The following SIRT3 variants were observed in gnomAD, a reference collection of about 807,000 sequenced individuals.
SIRT3 encodes the protein NAD-dependent protein deacetylase sirtuin-3, mitochondrial.
In SIRT3, 26 loss-of-function variants were observed where a neutral mutation model predicts 33.5. That is an observed-to-expected ratio of 0.78 (90% confidence interval 0.57 to 1.08). The LOEUF (loss-of-function observed/expected upper bound fraction) is 1.08. Ranked by LOEUF, SIRT3 falls within the 50% of genes least tolerant of loss-of-function variation. The pLI is 0.00. For missense variants in SIRT3, 585 were observed against 530.1 expected (o/e 1.10, Z -1.02); for synonymous variants, 237 against 222.1 (o/e 1.07, Z -0.60).
upstream of SIRT3, chr11:236,399 A>ACCCCCG: frequency 5.5e-6 from 1 of 183,338 alleles, no homozygotes; most frequent in Non-Finnish European, 6.7e-6. Context: ...TCCGCCTCCC[A>ACCCCCG]CCCCCGCCCC....
rs184306884 is a variant in SIRT3 at position 225,281 on chromosome 11, G to A, written c.808-1042C>T. Among the ~76,000 whole-genome samples the A allele has an allele frequency of 2.3e-3, 353 of 152,162 alleles. 10 individuals carry two copies. The highest frequency in any genetic ancestry group is 0.022 in the Admixed American group (341 of 15,284). ...CAAAAAATTAGCCAGGCGTGGTGAT[G>A]CGTGCCTGTAATCCCAGCTACTTGG... On this transcript the variant is annotated intron_variant, in intron 4 of 6. Transcript: ENST00000382743.
intron 4 of SIRT3, chr11:225,828 A>G (rs2133873092): frequency 1.3e-5 from 2 of 152,376 alleles, no homozygotes; most frequent in South Asian, 4.1e-4. Flanking sequence ...ATAACGGCAG[A>G]GTATGATCCA....
chr11:219,219 C>T (rs558889309), intron 5 of SIRT3, among the ~76,000 whole-genome samples, 178 bp from the exon 6 acceptor site: 21 of 152,242 alleles, frequency 1.4e-4, no homozygotes, highest in Admixed American at 3.9e-4. Context: ...GCTTGGCCTC[C>T]GTGACGGTTT....
chr11:223,753 T>C lies in SIRT3; in HGVS notation c.969+325A>G, dbSNP rs183161260. The C allele has an allele frequency of 8.4e-6, 8 of 951,444 alleles. No individual in the cohort carries two copies. The East Asian group carries it at 1.8e-4, about 21-fold the overall frequency. The allele number at this position is 951,444 out of a possible 1,614,324, so 58.9% of individuals were successfully genotyped here. ...CAGCCTGGAACCCCAGCTGAATCCA[T>C]TCACCTTCCCAAAGTGGCACCAGCC... On this transcript the variant is annotated intron_variant, in intron 5 of 6. Coordinates refer to ENST00000382743, the MANE Select transcript of SIRT3 (RefSeq NM_012239.6). This position sits in a 1 kb window ranked among gnomAD's most constrained non-coding sequence, Gnocchi z 4.8.
intron 3 of SIRT3, chr11:230,845 C>T (rs941798849): frequency 9.0e-6 from 2 of 223,432 alleles, no homozygotes; most frequent in Non-Finnish European, 8.7e-6. Context: ...TATATCCAGC[C>T]GGGCACAGTG....
Position 223,918 on chromosome 11 carries a change from AGGCCTGCCG to A in SIRT3, c.969+151_969+159del, listed in dbSNP as rs1312458429. The A allele has an allele frequency of 7.6e-5, 28 of 370,370 alleles. 5 individuals carry two copies. The highest frequency in any genetic ancestry group is 2.6e-4 in the African/African-American group (8 of 31,082). The allele number at this position is 370,370 out of a possible 1,614,324, so 22.9% of individuals were successfully genotyped here. Reference sequence around the variant, plus strand: ...CTGCCCTCCAGCCTCCTCCCTGCACAGGCCTGCCGACAGCCCATGAGGTGACTCCTGTAC... The same window carrying A: ...CTGCCCTCCAGCCTCCTCCCTGCACAACAGCCCATGAGGTGACTCCTGTAC... On this transcript the variant is annotated intron_variant, in intron 5 of 6. Transcript: ENST00000382743. This position sits in a 1 kb window ranked among gnomAD's most constrained non-coding sequence, Gnocchi z 4.8.
chr11:223,966 T>A lies in SIRT3; in HGVS notation c.969+112A>T. On this transcript the variant is annotated intron_variant, in intron 5 of 6. Transcript: ENST00000382743. The surrounding 1 kb of genome is among the most constrained non-coding windows in gnomAD (Gnocchi z 4.8). ...TGACTCCTGTACCCCTCCCTTCCCC[T>A]GCCCTCCAGACTCCTCCCTGCACAG... 1.7e-5 allele frequency: 8 copies of A among 471,886 alleles called. No individual in the cohort carries two copies. Among genetic ancestry groups the A allele is most frequent in the Non-Finnish European group, 2.1e-5 (6 of 279,676 alleles). 29.2% of individuals were successfully genotyped at this position (471,886 alleles called of 1,614,324 possible).
Position 233,185 on chromosome 11 carries a change from G to A in SIRT3, c.504C>T (p.Leu168=), listed in dbSNP as rs1294841949. 6.2e-7 allele frequency: 1 copy of A among 1,614,036 alleles called. No homozygotes were observed. The highest frequency in any genetic ancestry group is 1.3e-5 in the African/African-American group (1 of 74,922). The change falls in exon 3 of 7, where the codon CTC becomes CTT. Residue 168 remains leucine (L), a synonymous_variant. Transcript: ENST00000382743. ...CGGGGTACGGGAGATCGTACTGCTG[G>A]AGGTTGCTGTACAGGCCACTCCCCG... ...RSPGSGLYSN[L]QQYDLPYPEA... is the part of the protein sequence containing the mutation.
chr11:227,641 T>C (rs1010191668), intron 4 of SIRT3, among the ~76,000 whole-genome samples: 4 of 152,082 alleles, frequency 2.6e-5, no homozygotes, highest in African/African-American at 9.7e-5. Flanking sequence ...TTTATTTTGT[T>C]TTGAGATGGA....
At chr11:225,189 A>G (rs1452843810) in intron 4 of SIRT3, among the ~76,000 whole-genome samples, 2 of 152,044 alleles carry the variant, frequency 1.3e-5, no homozygotes, top group Non-Finnish European at 2.9e-5. Context: ...CGAGGTGGGC[A>G]GATCACGAGG....
chr11:236,370 C>CCGGCGACCCGCCCG, upstream of SIRT3: 4 of 1,174,640 alleles, frequency 3.4e-6, no homozygotes, highest in Non-Finnish European at 4.2e-6. Context: ...CGCCCCGCCC[C>CCGGCGACCCGCCCG]CGGCGCCCCG....
intron 3 of SIRT3, among the ~76,000 whole-genome samples, chr11:231,497 A>C (rs1371386022): frequency 6.6e-6 from 1 of 152,238 alleles, no homozygotes; most frequent in Non-Finnish European, 1.5e-5. Flanking sequence ...AGTTAAAATG[A>C]GGATATAAAT....
chr11:231,312 C>A (rs2471796), intron 3 of SIRT3, among the ~76,000 whole-genome samples: 2 of 151,954 alleles, frequency 1.3e-5, no homozygotes, highest in Non-Finnish European at 2.9e-5. Context: ...AGTGCATGCC[C>A]GTAGTCCCAG....
rs1859052935 is a variant in SIRT3 at position 236,145 on chromosome 11, C to CCAAG, written c.180_183dup (p.Asp62LeufsTer36). On this transcript the variant is annotated frameshift_variant, in exon 1 of 7. Transcript: ENST00000382743. LOFTEE classifies it high-confidence loss of function. Reference sequence around the variant, plus strand: ...GGCCTCTGCAAGGGGCGCGCCGGGTCCAAGGGCTCACCGCGGGCCCCATGG... The same window carrying CCAAG: ...GGCCTCTGCAAGGGGCGCGCCGGGTCCAAGCAAGGGCTCACCGCGGGCCCCATGG... 5 of 1,573,202 alleles carry CCAAG rather than the reference C, an allele frequency of 3.2e-6. No homozygotes were observed. The East Asian group carries it at 1.2e-4, about 37-fold the overall frequency.
chr11:235,969 G>GA, intron 1 of SIRT3, 79 bp downstream of exon 1: 1 of 1,383,952 alleles, frequency 7.2e-7, no homozygotes, highest in Non-Finnish European at 9.4e-7. Context: ...TGCCGCAAAG[G>GA]AAACACGGCA....
chr11:236,790 C>T, upstream of SIRT3: 1 of 544,406 alleles, frequency 1.8e-6, no homozygotes, highest in Non-Finnish European at 3.3e-6. Context: ...GCGGGTTCGA[C>T]CACAGGCGCC....
Position 218,856 on chromosome 11 carries a change from G to A in SIRT3, c.1155C>T (p.Asp385=). The change falls in exon 6 of 7, where the codon GAC becomes GAT. Residue 385 remains aspartate, a synonymous_variant. Transcript: ENST00000382743. ...CCTTCCCAGTTTCCCGCTGCACAAG[G>A]TCCCGCATCTCTTCTGTCCAGCCCA... ...ELLGWTEEMR[D]LVQRETGKLD... 6.2e-7 allele frequency: 1 copy of A among 1,614,084 alleles called. No homozygotes were observed.
upstream of SIRT3, chr11:236,825 A>C (rs1018111406): frequency 3.3e-5 from 19 of 580,428 alleles, no homozygotes; most frequent in Non-Finnish European, 5.2e-5. Flanking sequence ...CCTCAATGGC[A>C]CAGCCAAGTG....
chr11:233,613 C>G (rs554917354), intron 1 of SIRT3, 79 bp from the exon 2 acceptor site: 1 of 1,388,384 alleles, frequency 7.2e-7, no homozygotes, highest in Non-Finnish European at 1.0e-6. Flanking sequence ...TGGCTCTGCC[C>G]TCTGCACCAC....
Sources: allele counts gnomAD v4.1 joint callset (sites outside exome capture counted in the v4.1 genomes callset), GRCh38; gene constraint gnomAD v4.1.1; non-coding constraint Gnocchi (gnomAD v3.1); transcripts MANE v1.5; gene names NCBI Gene and HGNC (gene_info 2026-07-23, HGNC 2026-07-21).